RAB30: variants seen among roughly 807,000 people sequenced by gnomAD.
RAB30 encodes RAB30, member RAS oncogene family, also known as ras-related protein Rab-30.
A neutral mutation model predicts 25.1 loss-of-function variants in RAB30; 9 were observed. That is an observed-to-expected ratio of 0.36 (90% CI 0.22 to 0.63). The LOEUF is 0.63. RAB30 is among the 20% of genes least tolerant of loss of function. RAB30 has a pLI of 0.69. For synonymous variants in RAB30, 77 were observed against 86.4 expected, an observed-to-expected ratio of 0.89 and a Z score of 0.60; for missense variants, 140 against 243.5, an observed-to-expected ratio of 0.58 and a Z score of 2.83.
intron 1 of RAB30, among the ~76,000 whole-genome samples, chr11:83,040,141 G>T (rs1029149869): frequency 2.6e-5 from 4 of 152,030 alleles, no homozygotes; most frequent in Admixed American, 2.0e-4. Flanking sequence ...AGAGGGAATA[G>T]GATACAACAC....
At chr11:83,008,214 C>T (rs1188268937) in intron 1 of RAB30, among the ~76,000 whole-genome samples, 2 of 152,186 alleles carry the variant, frequency 1.3e-5, no homozygotes, top group African/African-American at 2.4e-5. Context: ...AAGTCTTTCC[C>T]CTGATGGTCC....
chr11:83,058,482 G>GA (rs201387980), intron 1 of RAB30, among the ~76,000 whole-genome samples: 5 of 151,850 alleles, frequency 3.3e-5, no homozygotes, highest in African/African-American at 7.3e-5. Flanking sequence ...GAAAAATACA[G>GA]AAAAAAAATA....
chr11:83,047,165 C>A (rs965696433), intron 1 of RAB30, among the ~76,000 whole-genome samples: 10 of 152,060 alleles, frequency 6.6e-5, no homozygotes, highest in African/African-American at 2.2e-4. Flanking sequence ...CAGTGACTGC[C>A]TAATAAATGC....
intron 1 of RAB30, among the ~76,000 whole-genome samples, chr11:83,003,767 T>C (rs1857133622): frequency 1.3e-5 from 2 of 152,072 alleles, no homozygotes; most frequent in South Asian, 4.1e-4. Context: ...TATATTTTAT[T>C]ACAAATTTGT....
intron 1 of RAB30, among the ~76,000 whole-genome samples, chr11:83,020,425 CAT>C (rs1463398993): frequency 2.6e-5 from 4 of 152,250 alleles, no homozygotes; most frequent in Non-Finnish European, 4.4e-5. Context: ...CACCAACAAA[CAT>C]GGGAAAAAGC....
At chr11:83,009,581 A>G (rs555052225) in intron 1 of RAB30, among the ~76,000 whole-genome samples, 5 of 152,086 alleles carry the variant, frequency 3.3e-5, no homozygotes, top group African/African-American at 1.2e-4. Flanking sequence ...CAGGAACAAC[A>G]TGCCCAGGGA....
At chr11:83,015,438 T>A (rs1462564068) in intron 1 of RAB30, among the ~76,000 whole-genome samples, 1 of 152,162 alleles carries the variant, frequency 6.6e-6, no homozygotes, top group East Asian at 1.9e-4. Context: ...GGGGGGATAA[T>A]GGCACCACTT....
intron 1 of RAB30, among the ~76,000 whole-genome samples, chr11:83,026,700 T>C (rs369563809): frequency 4.6e-5 from 7 of 152,024 alleles, no homozygotes; most frequent in East Asian, 1.9e-4. Context: ...TAGGGCAAGA[T>C]TGAAAAGAAA....
intron 1 of RAB30, among the ~76,000 whole-genome samples, chr11:83,053,349 C>A (rs931446242): frequency 3.3e-5 from 5 of 152,200 alleles, no homozygotes; most frequent in African/African-American, 1.2e-4. Context: ...GGGCAGAGCA[C>A]AGCTGCTCAA....
rs1856604034 is a variant in RAB30, at chr11:82,979,524, T to C, written c.*2641A>G. ...GTTCTGGCCTGGGTTAAGATGACTG[T>C]ATTTAGTGTCCTTTCTCAAGTTCTA... On this transcript the variant is annotated 3_prime_UTR_variant, in exon 5 of 5. Coordinates refer to ENST00000527633, the MANE Select transcript of RAB30 (RefSeq NM_001286060.2). 2 of 151,122 alleles carry C rather than the reference T, an allele frequency of 1.3e-5. No individual in the cohort carries two copies. Among genetic ancestry groups the C allele is most frequent in the East Asian group, 3.9e-4 (2 of 5,188 alleles). The allele number at this position is 151,122 out of a possible 1,614,324, so 9.4% of individuals were successfully genotyped here.
At chr11:83,030,929 G>A (rs569197679) in intron 1 of RAB30, among the ~76,000 whole-genome samples, 7 of 152,338 alleles carry the variant, frequency 4.6e-5, no homozygotes, top group African/African-American at 1.7e-4. Flanking sequence ...AGCCATTAAA[G>A]AGGTAATTAA....
intron 1 of RAB30, among the ~76,000 whole-genome samples, chr11:83,056,693 G>A (rs1858465925): frequency 6.6e-6 from 1 of 152,178 alleles, no homozygotes; most frequent in Admixed American, 6.5e-5. Flanking sequence ...AGACAGTCTT[G>A]ATTTCTGGTC....
intron 1 of RAB30, among the ~76,000 whole-genome samples, chr11:83,059,432 T>C (rs1858521427): frequency 6.6e-6 from 1 of 152,244 alleles, no homozygotes; most frequent in Admixed American, 6.5e-5. Context: ...TACATACCCA[T>C]TTATTTAACC....
At chr11:82,993,539 A>G (rs1856899413) in intron 3 of RAB30, among the ~76,000 whole-genome samples, 1 of 152,206 alleles carries the variant, frequency 6.6e-6, no homozygotes, top group African/African-American at 2.4e-5. Context: ...AGAAGCCACA[A>G]AGGCTGGAGG....
chr11:83,061,978 A>G (rs78727379), intron 1 of RAB30, among the ~76,000 whole-genome samples: 3,688 of 152,238 alleles, frequency 0.024, 147 homozygotes, highest in African/African-American at 0.085. Context: ...TCCAGTGAAC[A>G]AAAGGTCTAC....
chr11:83,045,887 T>A (rs1858223627), intron 1 of RAB30, among the ~76,000 whole-genome samples: 1 of 152,164 alleles, frequency 6.6e-6, no homozygotes, highest in Non-Finnish European at 1.5e-5. Flanking sequence ...TAATTTAAAA[T>A]CTCTGGGTTT....
Position 82,994,102 on chromosome 11 carries a change from T to C in RAB30, c.114A>G (p.Gln38=), listed in dbSNP as rs1171386539. ...TAAAATCAACTCCAATTGTGGCTCC[T>C]TGACCTGGGGGGAAAAGACCCTGAA... The part of the protein sequence containing the change: ...RFTQGLFPPG[Q]GATIGVDFMI... The change falls in exon 3 of 5, where the codon CAA becomes CAG. Residue 38 remains glutamine, a synonymous_variant. Transcript: ENST00000527633. 2 of 1,610,584 alleles carry C rather than the reference T, an allele frequency of 1.2e-6. No homozygotes were observed. The highest frequency in any genetic ancestry group is 1.7e-6 in the Non-Finnish European group (2 of 1,177,000).
At chr11:82,993,938 T>C in intron 3 of RAB30, 101 bp downstream of exon 3, 1 of 925,568 alleles carries the variant, frequency 1.1e-6, no homozygotes, top group Non-Finnish European at 1.7e-6. Context: ...TGTTTCCATG[T>C]GGGTTTCAAT....
intron 1 of RAB30, among the ~76,000 whole-genome samples, chr11:83,003,952 T>G (rs1181472995): frequency 6.6e-6 from 1 of 152,160 alleles, no homozygotes; most frequent in Non-Finnish European, 1.5e-5. Flanking sequence ...AAGTGGGGGA[T>G]GTAGAGGATA....
Sources: allele counts gnomAD v4.1 joint callset (sites outside exome capture counted in the v4.1 genomes callset), GRCh38; gene constraint gnomAD v4.1.1; transcripts MANE v1.5; gene names NCBI Gene and HGNC (gene_info 2026-07-23, HGNC 2026-07-21).